The following ZNF322 variants were observed in gnomAD, a reference collection of about 807,000 sequenced individuals.
ZNF322 encodes HLA complex group 12.
A neutral mutation model predicts 18.3 loss-of-function variants in ZNF322; 1 was observed. The ratio of observed to expected loss-of-function variants is 0.05; its 90% CI spans 0.02 to 0.26. The LOEUF (loss-of-function observed/expected upper bound fraction) is 0.26, where lower values mean the gene tolerates loss of function less well. Among genes scored for constraint, ZNF322 ranks in the 10% least tolerant of loss-of-function variants. ZNF322 has a pLI of 1.00. For synonymous variants in ZNF322, 17 were observed against 130.7 expected, an observed-to-expected ratio of 0.13 and a Z score of 5.93; for missense variants, 36 against 403.6, an observed-to-expected ratio of 0.09 and a Z score of 7.80.
intron 3 of ZNF322, among the ~76,000 whole-genome samples, chr6:26,640,373 C>T (rs886309358): frequency 1.3e-5 from 2 of 152,180 alleles, no homozygotes; most frequent in African/African-American, 4.8e-5. Flanking sequence ...TTACTCATTG[C>T]ACTCCAGTCA....
chr6:26,652,920 C>G lies in ZNF322; in HGVS notation c.-246+5638G>C, dbSNP rs1192990208. Among the ~76,000 whole-genome samples the G allele has an allele frequency of 7.9e-5, 12 of 152,156 alleles. No individual in the cohort carries two copies. The South Asian group carries it at 1.5e-3, about 18-fold the overall frequency. On this transcript the variant is annotated intron_variant, in intron 2 of 3. Coordinates refer to ENST00000415922, the MANE Select transcript of ZNF322 (RefSeq NM_024639.5). ...GAGTGGTAGGGGACATATGGGTACT[C>G]TCTGTATTTTTTGCTCAGTTTTGCT...
At chr6:26,653,296 G>T (rs782111758) in intron 2 of ZNF322, among the ~76,000 whole-genome samples, 2 of 152,098 alleles carry the variant, frequency 1.3e-5, no homozygotes, top group African/African-American at 4.8e-5. Context: ...GTACAATCTC[G>T]TCCGGAGGGG....
Position 26,658,639 on chromosome 6 carries a change from T to C in ZNF322, c.-327A>G, listed in dbSNP as rs150925281. 4.2e-5 allele frequency: 7 copies of C among 166,796 alleles called. No individual in the cohort carries two copies. In the East Asian group the frequency reaches 1.3e-3, roughly 32 times the overall value. The allele number at this position is 166,796 out of a possible 1,614,324, so 10.3% of individuals were successfully genotyped here. On this transcript the variant is annotated 5_prime_UTR_variant, in exon 2 of 4. Coordinates refer to ENST00000415922, the MANE Select transcript of ZNF322 (RefSeq NM_024639.5). ...AGAACTATTCACAACACTCAATTCT[T>C]GCCTCTCCTAGAGGAAAAATCAATA...
chr6:26,652,264 C>T (rs976509593), intron 2 of ZNF322, among the ~76,000 whole-genome samples: 24 of 152,176 alleles, frequency 1.6e-4, no homozygotes, highest in African/African-American at 5.3e-4. Context: ...AAGCCACAGA[C>T]TGGGAGAAAA....
intron 2 of ZNF322, among the ~76,000 whole-genome samples, chr6:26,650,889 C>A (rs1287016128): frequency 6.6e-6 from 1 of 152,146 alleles, no homozygotes; most frequent in Non-Finnish European, 1.5e-5. Context: ...TCAACACAAT[C>A]CCAGCAAATT....
chr6:26,635,017 C>A lies in ZNF322; in HGVS notation c.*2328G>T, dbSNP rs1765330152. ...ACTTTTTATGATACAAGAGCTATTT[C>A]TAAATATTACAAAAACATGTCAGAT... On this transcript the variant is annotated 3_prime_UTR_variant, in exon 4 of 4. Transcript: ENST00000415922. 2.5e-5 allele frequency: 3 copies of A among 119,354 alleles called. No individual in the cohort carries two copies. The allele number at this position is 119,354 out of a possible 1,614,324, so 7.4% of individuals were successfully genotyped here.
At chr6:26,640,055 G>C (rs2451746) in intron 3 of ZNF322, among the ~76,000 whole-genome samples, 103,941 of 151,930 alleles carry the variant, frequency 0.68, 36,340 homozygotes, top group African/African-American at 0.81. Flanking sequence ...TTATTCCTTC[G>C]TATTGGACCA....
chr6:26,639,545 C>T (rs1451515528), intron 3 of ZNF322, among the ~76,000 whole-genome samples: 3 of 151,642 alleles, frequency 2.0e-5, no homozygotes, highest in African/African-American at 7.3e-5. Context: ...TACAGAAACA[C>T]CTAAAGGATC....
At chr6:26,651,453 G>A (rs923904680) in intron 2 of ZNF322, 2 of 152,146 alleles carry the variant, frequency 1.3e-5, no homozygotes, top group African/African-American at 2.4e-5. Context: ...GGGTTGGGAA[G>A]AAATTGGTCA....
At chr6:26,644,106 A>C (rs181529424) in intron 2 of ZNF322, among the ~76,000 whole-genome samples, 2 of 152,336 alleles carry the variant, frequency 1.3e-5, no homozygotes, top group Non-Finnish European at 2.9e-5. Flanking sequence ...TTTTGGGATT[A>C]TAACAAAATT....
At chr6:26,649,699 A>ATTTTTT (rs1561924977) in intron 2 of ZNF322, among the ~76,000 whole-genome samples, 1 of 66,606 alleles carries the variant, frequency 1.5e-5, no homozygotes, top group African/African-American at 6.8e-5. Context: ...ATATATATAT[A>ATTTTTT]TATTTTTTTT....
At chr6:26,639,969 T>C (rs1395852645) in intron 3 of ZNF322, among the ~76,000 whole-genome samples, 1 of 152,160 alleles carries the variant, frequency 6.6e-6, no homozygotes, top group East Asian at 1.9e-4. Context: ...AAGGATAGCC[T>C]TTCCATCTGT....
chr6:26,638,692 A>C lies in ZNF322; in HGVS notation c.-139T>G. 1 of 914,544 alleles carries C rather than the reference A, an allele frequency of 1.1e-6. No individual in the cohort carries two copies. Among genetic ancestry groups the C allele is most frequent in the Non-Finnish European group, 1.7e-6 (1 of 595,868 alleles). 56.7% of individuals were successfully genotyped at this position (914,544 alleles called of 1,614,324 possible). ...TCATGAGCCTCTACAAGTTTCCAGC[A>C]TCATATATGTTAATTCCTTACTTGG... On this transcript the variant is annotated 5_prime_UTR_variant, in exon 4 of 4. An upstream start codon of the reference 5' UTR is lost. Transcript: ENST00000415922.
intron 2 of ZNF322, among the ~76,000 whole-genome samples, chr6:26,654,786 A>G (rs1469627504): frequency 1.3e-5 from 2 of 152,190 alleles, no homozygotes; most frequent in Non-Finnish European, 2.9e-5. Flanking sequence ...GAAAAATTTT[A>G]TGAGAATCAA....
intron 2 of ZNF322, among the ~76,000 whole-genome samples, chr6:26,644,492 G>T (rs1554148549): frequency 6.6e-6 from 1 of 152,182 alleles, no homozygotes; most frequent in East Asian, 1.9e-4. Flanking sequence ...CAGGTAAGAT[G>T]GAGTAAATAC....
chr6:26,647,699 T>C (rs1020442164), intron 2 of ZNF322, among the ~76,000 whole-genome samples: 33 of 152,166 alleles, frequency 2.2e-4, no homozygotes, highest in South Asian at 4.1e-4. Flanking sequence ...TAGGCCCAGA[T>C]TATTTCACGA....
At chr6:26,652,924 G>T (rs1269787542) in intron 2 of ZNF322, among the ~76,000 whole-genome samples, 1 of 152,046 alleles carries the variant, frequency 6.6e-6, no homozygotes, top group African/African-American at 2.4e-5. Flanking sequence ...GGTACTCTCT[G>T]TATTTTTTGC....
Position 26,650,770 on chromosome 6 carries a change from T to G in ZNF322, c.-245-7042A>C, listed in dbSNP as rs1264136426. On this transcript the variant is annotated intron_variant, in intron 2 of 3. Coordinates refer to ENST00000415922, the MANE Select transcript of ZNF322 (RefSeq NM_024639.5). The stretch of plus-strand genomic sequence containing the variant: ...ATTTATGCAAAGAAAATTTGAAAAC[T>G]CTAAGAAATAAAAAAGAGAACTAAA... Among the ~76,000 whole-genome samples, 7 of 152,238 alleles carry G rather than the reference T, an allele frequency of 4.6e-5. No individual in the cohort carries two copies. In the East Asian group the frequency reaches 7.7e-4, roughly 17 times the overall value.
At chr6:26,652,459 C>T (rs547777087) in intron 2 of ZNF322, among the ~76,000 whole-genome samples, 3 of 152,072 alleles carry the variant, frequency 2.0e-5, no homozygotes, top group African/African-American at 4.8e-5. Flanking sequence ...GAGGCTGAGG[C>T]GGGTGGATCA....
Sources: gnomAD v4.1 joint callset for allele counts (sites outside exome capture counted in the v4.1 genomes callset) on GRCh38, gnomAD v4.1.1 for gene constraint, MANE v1.5 for transcripts, NCBI Gene and HGNC (gene_info 2026-07-23, HGNC 2026-07-21) for gene names.